Variants in NBL1 observed in about 807,000 individuals in gnomAD.
NBL1 encodes the protein NBL1, DAN family BMP antagonist, also known as neuroblastoma suppressor of tumorigenicity 1.
NBL1 carries 9 observed loss-of-function variants against 16.0 expected under a neutral mutation model. That is an observed-to-expected ratio of 0.56 (90% CI 0.34 to 0.98). NBL1 has a LOEUF of 0.98. NBL1 is among the 50% of genes least tolerant of loss of function. The pLI is 0.02. For synonymous variants in NBL1, 86 were observed against 100.7 expected (o/e 0.85, Z 0.87); for missense variants, 196 against 243.1 (o/e 0.81, Z 1.29).
intron 1 of NBL1, among the ~76,000 whole-genome samples, chr1:19,648,766 T>C (rs545435945): frequency 2.6e-5 from 1 of 37,858 alleles, no homozygotes; most frequent in African/African-American, 1.1e-4. Context: ...GGCTTGGATT[T>C]GGGAGTGGCG....
At chr1:19,645,898 C>T (rs2094976536) in intron 1 of NBL1, 1 of 1,545,956 alleles carries the variant, frequency 6.5e-7, no homozygotes, top group South Asian at 1.2e-5. Context: ...TCGGAGGCTG[C>T]CGGAGCGGGC....
At chr1:19,650,861 C>T (rs2095020053) in intron 1 of NBL1, among the ~76,000 whole-genome samples, 1 of 152,122 alleles carries the variant, frequency 6.6e-6, no homozygotes. Flanking sequence ...TGGGGGCAGC[C>T]TGGGCTCTTC....
At position 19,657,237 on chromosome 1, in the gene NBL1, T is replaced by A. The variant is rs893023802; in HGVS notation, c.*108T>A. ...AGCCCCCCTTTGGCACTGGATGGAC[T>A]TGGCTTCAGACTCGGACTTGAATGC... On this transcript the variant is annotated 3_prime_UTR_variant, in exon 4 of 4. Coordinates refer to ENST00000375136, the MANE Select transcript of NBL1 (RefSeq NM_005380.8). 7 of 589,834 alleles carry A rather than the reference T, an allele frequency of 1.2e-5. No individual in the cohort carries two copies. Among genetic ancestry groups the A allele is most frequent in the Non-Finnish European group, 2.1e-5 (7 of 333,884 alleles). The allele number at this position is 589,834 out of a possible 1,614,324, so 36.5% of individuals were successfully genotyped here.
At chr1:19,643,289 C>G (rs139459537), upstream of NBL1, 3,008 of 1,611,170 alleles carry the variant, frequency 1.9e-3, 47 homozygotes, top group African/African-American at 0.035. This position sits in a 1 kb window ranked among gnomAD's most constrained non-coding sequence, Gnocchi z 4.7. Flanking sequence ...GAGTTCCCAG[C>G]AGGCCACTAG....
chr1:19,645,390 A>AG (rs2094972659), intron 1 of NBL1: 1 of 986,302 alleles, frequency 1.0e-6, no homozygotes, highest in Non-Finnish European at 1.2e-6. Context: ...GCGGCGGCAA[A>AG]GGGGGCAGCC....
At chr1:19,650,243 A>T (rs2095015573) in intron 1 of NBL1, among the ~76,000 whole-genome samples, 1 of 152,240 alleles carries the variant, frequency 6.6e-6, no homozygotes, top group Non-Finnish European at 1.5e-5. Context: ...ACCTAATGGC[A>T]CATTTCTCAG....
chr1:19,649,734 TCA>T (rs2095011398), intron 1 of NBL1, among the ~76,000 whole-genome samples: 1 of 152,086 alleles, frequency 6.6e-6, no homozygotes, highest in Admixed American at 6.6e-5. Context: ...TGATCCTGGC[TCA>T]CTGCAGCCTC....
intron 3 of NBL1, among the ~76,000 whole-genome samples, chr1:19,655,649 G>A (rs2095052068): frequency 6.6e-6 from 1 of 152,224 alleles, no homozygotes; most frequent in African/African-American, 2.4e-5. Flanking sequence ...GGACAGGGAT[G>A]TTCCCGAAGT....
chr1:19,654,351 C>T (rs535170481), intron 1 of NBL1, among the ~76,000 whole-genome samples: 39 of 152,130 alleles, frequency 2.6e-4, no homozygotes, highest in African/African-American at 9.2e-4. Context: ...TTCAGTGAGC[C>T]GTGATCATGC....
rs193161853 is a variant in NBL1, at chr1:19,644,715, G to A, written c.-20+269G>A. 2.0e-5 allele frequency among the ~76,000 whole-genome samples: 3 copies of A among 151,992 alleles called. No homozygotes were observed. Among genetic ancestry groups the A allele is most frequent in the East Asian group, 3.9e-4 (2 of 5,120 alleles). ...GTCCCCAGACTCGCCCCAGGGTTCCGTTTCTGGATCGGAGTTTCCGCGGCC... is the reference window on the plus strand; with the variant it reads ...GTCCCCAGACTCGCCCCAGGGTTCCATTTCTGGATCGGAGTTTCCGCGGCC... On this transcript the variant is annotated intron_variant, in intron 1 of 3. Transcript: ENST00000375136. The surrounding 1 kb of genome is among the most constrained non-coding windows in gnomAD (Gnocchi z 4.6).
At chr1:19,650,842 C>T (rs1375626625) in intron 1 of NBL1, among the ~76,000 whole-genome samples, 2 of 152,200 alleles carry the variant, frequency 1.3e-5, no homozygotes, top group African/African-American at 4.8e-5. Flanking sequence ...CAAGAGCCCA[C>T]CCCACCGGTG....
chr1:19,655,089 C>G lies in NBL1; in HGVS notation c.59C>G (p.Pro20Arg). ...CCTGCCATGCTACTGGCTGCCCCAC[C>G]ACCCATCAACAAGCTGGCACTGTTC... ...VLPAMLLAAP[P>R]PINKLALFPD... is the part of the protein sequence containing the mutation. The change falls in exon 2 of 4, where the codon CCA becomes CGA. Residue 20 changes from proline (P) to arginine (R), a missense_variant. Transcript: ENST00000375136. The G allele has an allele frequency of 1.9e-6, 3 of 1,613,136 alleles. No individual in the cohort carries two copies. The highest frequency in any genetic ancestry group is 1.7e-6 in the Non-Finnish European group (2 of 1,179,928).
chr1:19,647,883 G>GCA (rs1417562171), intron 1 of NBL1, among the ~76,000 whole-genome samples: 13 of 135,090 alleles, frequency 9.6e-5, no homozygotes, highest in African/African-American at 3.8e-4. Flanking sequence ...GTGTGTGTGT[G>GCA]CGTGTGCGCG....
At chr1:19,656,798 C>G in intron 3 of NBL1, 68 bp from the exon 4 acceptor site, 2 of 1,525,750 alleles carry the variant, frequency 1.3e-6, no homozygotes, top group East Asian at 4.7e-5. Flanking sequence ...GAAGTATTAC[C>G]CTAGGGGCTG....
At chr1:19,645,985 T>C (rs1408469406) in intron 1 of NBL1, 8 of 1,550,302 alleles carry the variant, frequency 5.2e-6, no homozygotes, top group Non-Finnish European at 7.0e-6. Flanking sequence ...CTCATTAGCA[T>C]GGATTTGTTT....
intron 3 of NBL1, among the ~76,000 whole-genome samples, 183 bp downstream of exon 3, chr1:19,655,618 A>C (rs571724155): frequency 1.3e-5 from 2 of 152,318 alleles, no homozygotes; most frequent in South Asian, 4.1e-4. Context: ...ATGGCTCAGA[A>C]GTCTGACACC....
At chr1:19,650,304 T>G (rs1422271570) in intron 1 of NBL1, among the ~76,000 whole-genome samples, 1 of 152,210 alleles carries the variant, frequency 6.6e-6, no homozygotes, top group Middle Eastern at 3.2e-3. Flanking sequence ...GCTCTTATAT[T>G]TAGTTCAGAA....
At chr1:19,656,445 G>T (rs1003599087) in intron 3 of NBL1, among the ~76,000 whole-genome samples, 2 of 151,676 alleles carry the variant, frequency 1.3e-5, no homozygotes, top group Non-Finnish European at 1.5e-5. Flanking sequence ...GGAACAGCAT[G>T]TGCGGAGTCC....
intron 1 of NBL1, among the ~76,000 whole-genome samples, chr1:19,653,014 G>A (rs977795429): frequency 4.7e-5 from 7 of 150,402 alleles, no homozygotes; most frequent in African/African-American, 1.2e-4. Flanking sequence ...AAGGCCGGGC[G>A]CAGTGGCTCA....
Sources: allele counts gnomAD v4.1 joint callset (sites outside exome capture counted in the v4.1 genomes callset), GRCh38; gene constraint gnomAD v4.1.1; non-coding constraint Gnocchi (gnomAD v3.1); transcripts MANE v1.5; gene names NCBI Gene and HGNC (gene_info 2026-07-23, HGNC 2026-07-21).